UBE3A: variants seen among roughly 807,000 people sequenced by gnomAD.
UBE3A encodes the protein ubiquitin protein ligase E3A.
In UBE3A, 6 loss-of-function variants were observed where a neutral mutation model predicts 83.4. That is an observed-to-expected ratio of 0.07 (90% CI 0.04 to 0.14). UBE3A has a LOEUF of 0.14. Ranked by LOEUF, UBE3A falls within the 10% of genes least tolerant of loss-of-function variation. The probability of loss-of-function intolerance (pLI) is 1.00; values close to 1 mark genes in which losing one functional copy is unlikely to be tolerated. For missense variants in UBE3A, 456 were observed against 1,036.1 expected, an observed-to-expected ratio of 0.44 and a Z score of 7.69; for synonymous variants, 337 against 355.4, an observed-to-expected ratio of 0.95 and a Z score of 0.58.
chr15:25,344,160 G>A (rs544182636), intron 11 of UBE3A, among the ~76,000 whole-genome samples: 117 of 152,240 alleles, frequency 7.7e-4, no homozygotes, highest in Non-Finnish European at 1.5e-3. Context: ...TGAACATTAA[G>A]AGGATTCACT....
In UBE3A at chr15:25,438,952, G is replaced by A. The variant is rs1896000787; in HGVS notation, c.-628C>T. ...GGAAAAGGCCCCGTCGTCTCCTGTA[G>A]TCACCCCGAGCCCAGCGCCACCATC... On this transcript the variant is annotated 5_prime_UTR_variant, in exon 1 of 13. Transcript: ENST00000648336. 1 of 152,164 alleles carries A rather than the reference G, an allele frequency of 6.6e-6. No individual in the cohort carries two copies. The highest frequency in any genetic ancestry group is 6.5e-5 in the Admixed American group (1 of 15,280). 9.4% of individuals were successfully genotyped at this position (152,164 alleles called of 1,614,324 possible). A position where few individuals can be genotyped will look rare whatever the true frequency, so the allele number is the denominator to read the frequency against.
intron 5 of UBE3A, chr15:25,374,337 A>AC (rs2080831395): frequency 3.3e-5 from 5 of 152,354 alleles, no homozygotes; most frequent in Admixed American, 3.3e-4. Context: ...CTCATGTACC[A>AC]CATCCCCCGC....
rs1480748000 is a variant in UBE3A at position 25,338,654 on chromosome 15, G to C, written c.*483C>G. 1 of 152,124 alleles carries C rather than the reference G, an allele frequency of 6.6e-6. No homozygotes were observed. The highest frequency in any genetic ancestry group is 2.4e-5 in the African/African-American group (1 of 41,412). 9.4% of individuals were successfully genotyped at this position (152,124 alleles called of 1,614,324 possible). A position where few individuals can be genotyped will look rare whatever the true frequency, so the allele number is the denominator to read the frequency against. On this transcript the variant is annotated 3_prime_UTR_variant, in exon 13 of 13. Transcript: ENST00000648336. ...AAAAAAAATACAGTTCCTGATTTGAGTTAGATACAGGGACAAAAAAGTAGC... is the reference window on the plus strand; with the variant it reads ...AAAAAAAATACAGTTCCTGATTTGACTTAGATACAGGGACAAAAAAGTAGC...
At chr15:25,374,107 C>G (rs2080781514) in intron 5 of UBE3A, 1 of 152,014 alleles carries the variant, frequency 6.6e-6, no homozygotes, top group Non-Finnish European at 1.5e-5. Context: ...TTCCAATATA[C>G]AATAGTAACT....
In UBE3A at chr15:25,338,189, TC is replaced by T. The variant is rs1334651580; in HGVS notation, c.*947del. ...TAATAAGTAAGTAATTAATAAAAAC[TC>T]TATCTTAAGTGCACTTTCACATGCT... is the stretch of plus-strand genomic sequence containing the variant. On this transcript the variant is annotated 3_prime_UTR_variant, in exon 13 of 13. Coordinates refer to ENST00000648336, the MANE Select transcript of UBE3A (RefSeq NM_130839.5). The T allele has an allele frequency of 3.9e-5, 6 of 152,198 alleles. No homozygotes were observed. In the East Asian group the frequency reaches 1.2e-3, roughly 29 times the overall value. 9.4% of individuals were successfully genotyped at this position (152,198 alleles called of 1,614,324 possible).
chr15:25,344,890 C>CG (rs1319577802), intron 11 of UBE3A, among the ~76,000 whole-genome samples: 2 of 151,892 alleles, frequency 1.3e-5, no homozygotes, highest in East Asian at 3.9e-4. Flanking sequence ...CTGATAAATA[C>CG]GAAAATCAGG....
chr15:25,413,935 A>G (rs55817493), intron 1 of UBE3A, among the ~76,000 whole-genome samples: 3 of 152,066 alleles, frequency 2.0e-5, no homozygotes, highest in African/African-American at 2.4e-5. Context: ...TACCTCATAC[A>G]TGGCCTCTCT....
intron 2 of UBE3A, 154 bp from the exon 3 acceptor site, chr15:25,409,361 A>G: frequency 5.0e-6 from 2 of 398,014 alleles, no homozygotes; most frequent in Admixed American, 3.9e-5. Context: ...ACTATTTTCC[A>G]GCATTTTGTT....
chr15:25,377,790 TTAAA>T (rs1273902940), intron 4 of UBE3A, among the ~76,000 whole-genome samples: 2 of 152,166 alleles, frequency 1.3e-5, no homozygotes, highest in Non-Finnish European at 2.9e-5. Context: ...AAAAGATTAC[TTAAA>T]TGAACTGATA....
At chr15:25,406,033 T>C (rs1449710754) in intron 3 of UBE3A, among the ~76,000 whole-genome samples, 1 of 152,208 alleles carries the variant, frequency 6.6e-6, no homozygotes, top group Non-Finnish European at 1.5e-5. Context: ...TATGGCTGCT[T>C]TCACACTAAA....
rs1280700538 is a variant in UBE3A at position 25,361,601 on chromosome 15, TTTTAC to T, written c.1609-1079_1609-1075del. 5.9e-5 allele frequency among the ~76,000 whole-genome samples: 9 copies of T among 152,240 alleles called. No individual in the cohort carries two copies. In the East Asian group the frequency reaches 1.5e-3, roughly 26 times the overall value. ...AACTGTTTATACTGCATTTTGTTTG[TTTTAC>T]TTTATGTATCTAAAATTTGCTAACA... On this transcript the variant is annotated intron_variant, in intron 6 of 12. Transcript: ENST00000648336.
intron 1 of UBE3A, among the ~76,000 whole-genome samples, chr15:25,434,991 C>G (rs56192245): frequency 6.2e-5 from 8 of 129,998 alleles, no homozygotes; most frequent in African/African-American, 1.2e-4. Context: ...CACACACACA[C>G]ACACACACAC....
chr15:25,388,414 A>T (rs1331262591), intron 4 of UBE3A, among the ~76,000 whole-genome samples: 1 of 152,198 alleles, frequency 6.6e-6, no homozygotes, highest in Non-Finnish European at 1.5e-5. Context: ...GACAAAATTT[A>T]ACACCCACTC....
chr15:25,393,701 TC>T (rs1326942362), intron 4 of UBE3A: 1 of 152,228 alleles, frequency 6.6e-6, no homozygotes, highest in Non-Finnish European at 1.5e-5. Flanking sequence ...AAACAGTTCA[TC>T]CATTCAACTA....
chr15:25,399,692 T>C (rs1466719010), intron 4 of UBE3A, among the ~76,000 whole-genome samples: 3 of 151,950 alleles, frequency 2.0e-5, no homozygotes, highest in African/African-American at 7.3e-5. Flanking sequence ...CTTCAGCCTC[T>C]CGGGTAGCTA....
In UBE3A at chr15:25,335,027, A is replaced by C. The variant is rs1424869093; in HGVS notation, c.*4110T>G. 6.6e-6 allele frequency: 1 copy of C among 152,032 alleles called. No individual in the cohort carries two copies. The highest frequency in any genetic ancestry group is 1.5e-5 in the Non-Finnish European group (1 of 68,002). The allele number at this position is 152,032 out of a possible 1,614,324, so 9.4% of individuals were successfully genotyped here. ...TTAAAAATGACAGTCTCTATCATGA[A>C]TTTACTTACACTCCAGGCAAAGGTT... On this transcript the variant is annotated 3_prime_UTR_variant, in exon 13 of 13. Coordinates refer to ENST00000648336, the MANE Select transcript of UBE3A (RefSeq NM_130839.5).
intron 2 of UBE3A, chr15:25,409,436 A>ATGTAAT: frequency 4.4e-6 from 1 of 226,528 alleles, no homozygotes; most frequent in East Asian, 8.8e-5. Flanking sequence ...GTAATGTTAT[A>ATGTAAT]GTTTCTGAAG....
chr15:25,429,702 CATTT>C (rs923620279), intron 1 of UBE3A, among the ~76,000 whole-genome samples: 63 of 151,846 alleles, frequency 4.1e-4, no homozygotes, highest in Admixed American at 1.5e-3. Flanking sequence ...AACAAACAAA[CATTT>C]TTTTAAGAAT....
At chr15:25,369,738 G>A (rs532456464) in intron 6 of UBE3A, among the ~76,000 whole-genome samples, 4 of 152,210 alleles carry the variant, frequency 2.6e-5, no homozygotes, top group East Asian at 1.9e-4. Flanking sequence ...TGTGACTGAC[G>A]ACTGCTTTCT....
Sources: gnomAD v4.1 joint callset for allele counts (sites outside exome capture counted in the v4.1 genomes callset) on GRCh38, gnomAD v4.1.1 for gene constraint, MANE v1.5 for transcripts, NCBI Gene and HGNC (gene_info 2026-07-23, HGNC 2026-07-21) for gene names.